The following MS4A4E variants were observed in gnomAD, a reference collection of about 807,000 sequenced individuals.
MS4A4E encodes putative membrane-spanning 4-domains subfamily A member 4E.
In MS4A4E, 23 loss-of-function variants were observed where a neutral mutation model predicts 13.3. The observed-to-expected ratio is 1.73, with a 90% CI of 1.25 to 2.45. The LOEUF (loss-of-function observed/expected upper bound fraction) is 2.45, where lower values mean the gene tolerates loss of function less well. Among genes scored for constraint, MS4A4E ranks in the 30% most tolerant of loss-of-function variants. The pLI is 0.00. For synonymous variants in MS4A4E, 36 were observed against 45.6 expected (o/e 0.79, Z 0.85); for missense variants, 144 against 131.2 (o/e 1.10, Z -0.48).
intron 6 of MS4A4E, among the ~76,000 whole-genome samples, chr11:60,206,090 G>A (rs142621874): frequency 6.6e-6 from 1 of 152,206 alleles, no homozygotes; most frequent in African/African-American, 2.4e-5. Context: ...TATGGGTGAA[G>A]GAAAGCAGAA....
chr11:60,215,159 G>GTT (rs975018487), intron 3 of MS4A4E, among the ~76,000 whole-genome samples: 1 of 151,838 alleles, frequency 6.6e-6, no homozygotes, highest in Non-Finnish European at 1.5e-5. Flanking sequence ...CATTATTAGA[G>GTT]TTTTTTATTT....
At chr11:60,209,758 G>A (rs755678109) in intron 5 of MS4A4E, among the ~76,000 whole-genome samples, 86 of 152,312 alleles carry the variant, frequency 5.6e-4, no homozygotes, top group Non-Finnish European at 1.0e-3. Context: ...CTGATGCAGG[G>A]ATTATCTGGT....
chr11:60,236,535 T>C (rs1449114631), intron 1 of MS4A4E, among the ~76,000 whole-genome samples: 1 of 152,140 alleles, frequency 6.6e-6, no homozygotes, highest in East Asian at 1.9e-4. Context: ...TTTTGTTCTA[T>C]TTGAAACTAT....
At position 60,226,995 on chromosome 11, in the gene MS4A4E, A is replaced by C. The variant is rs951103143; in HGVS notation, c.178+1599T>G. On this transcript the variant is annotated intron_variant, in intron 3 of 8. Coordinates refer to ENST00000651255, the MANE Select transcript of MS4A4E (RefSeq NM_001393391.1). Reference sequence around the variant, plus strand: ...ACTTTCTTATGTACTTATAGTAAATAAGTGAAATTTGAAATTAAAAATGCA... The same window carrying C: ...ACTTTCTTATGTACTTATAGTAAATCAGTGAAATTTGAAATTAAAAATGCA... 2.0e-5 allele frequency among the ~76,000 whole-genome samples: 3 copies of C among 152,312 alleles called. No homozygotes were observed. In the East Asian group the frequency reaches 5.8e-4, roughly 29 times the overall value.
chr11:60,230,123 G>A, intron 1 of MS4A4E, 52 bp from the exon 2 acceptor site: 1 of 1,512,548 alleles, frequency 6.6e-7, no homozygotes, highest in South Asian at 1.4e-5. Flanking sequence ...ACAAAAGAAA[G>A]TCTTGACACT....
intron 3 of MS4A4E, among the ~76,000 whole-genome samples, chr11:60,227,553 A>AAT (rs372169588): frequency 0.015 from 2,226 of 150,150 alleles, 53 homozygotes; most frequent in African/African-American, 0.048. Context: ...TCCATCTCAA[A>AAT]ATATATATAT....
rs541575792 is a variant in MS4A4E, at chr11:60,204,112, C to T, written c.659+778G>A. On this transcript the variant is annotated intron_variant, in intron 8 of 8. Transcript: ENST00000651255. ...CAGGCCACTTAAAATAATCTCAAGG[C>T]AATATATCAGGATATAAGTTAGGAT... 9.9e-4 allele frequency among the ~76,000 whole-genome samples: 151 copies of T among 152,162 alleles called. 1 individual carries two copies. The highest frequency in any genetic ancestry group is 3.4e-3 in the African/African-American group (142 of 41,504).
chr11:60,200,353 G>T lies in MS4A4E; in HGVS notation c.*1190C>A, dbSNP rs2083972393. Among the ~76,000 whole-genome samples, 1 of 151,572 alleles carries T rather than the reference G, an allele frequency of 6.6e-6. No homozygotes were observed. Among genetic ancestry groups the T allele is most frequent in the African/African-American group, 2.4e-5 (1 of 41,276 alleles). On this transcript the variant is annotated 3_prime_UTR_variant, in exon 9 of 9. Coordinates refer to ENST00000651255, the MANE Select transcript of MS4A4E (RefSeq NM_001393391.1). ...TTTCTCACAGAGGGGGATTTGGCAG[G>T]GTCATAGGACAATAGTGGAGGGAAG...
chr11:60,230,084 A>T lies in MS4A4E; in HGVS notation c.-16-13T>A, dbSNP rs1190875374. The T allele has an allele frequency of 4.5e-6, 7 of 1,566,710 alleles. No homozygotes were observed. The highest frequency in any genetic ancestry group is 8.6e-7 in the Non-Finnish European group (1 of 1,161,188). On this transcript the variant is annotated splice_polypyrimidine_tract_variant and intron_variant, in intron 1 of 8. Transcript: ENST00000651255. The stretch of plus-strand genomic sequence containing the variant: ...AGCAGAAAAGGTGCTACAATAAGAA[A>T]TGTAATTTAGGATGAGGTCCTGGAA...
intron 1 of MS4A4E, among the ~76,000 whole-genome samples, chr11:60,238,849 T>C (rs1182105082): frequency 1.3e-5 from 2 of 152,214 alleles, no homozygotes; most frequent in Non-Finnish European, 2.9e-5. Flanking sequence ...CTAATCCTAC[T>C]GAAACTATTC....
At position 60,238,618 on chromosome 11, in the gene MS4A4E, G is replaced by C. The variant is rs552006286; in HGVS notation, c.-17+4340C>G. ...GTTGATCGTTGCAAGAATGAACTTT[G>C]GGTTTTGTTGATTTACTCTAATGTG... On this transcript the variant is annotated intron_variant, in intron 1 of 8. Coordinates refer to ENST00000651255, the MANE Select transcript of MS4A4E (RefSeq NM_001393391.1). Among the ~76,000 whole-genome samples the C allele has an allele frequency of 2.0e-5, 3 of 152,142 alleles. No individual in the cohort carries two copies. In the East Asian group the frequency reaches 5.8e-4, roughly 29 times the overall value.
chr11:60,210,615 T>C (rs919586439), intron 5 of MS4A4E, among the ~76,000 whole-genome samples: 1 of 152,264 alleles, frequency 6.6e-6, no homozygotes, highest in Non-Finnish European at 1.5e-5. Flanking sequence ...AATAATTATA[T>C]GCTTTCCAGC....
At chr11:60,234,996 G>T (rs530123114) in intron 1 of MS4A4E, among the ~76,000 whole-genome samples, 4 of 152,258 alleles carry the variant, frequency 2.6e-5, no homozygotes, top group African/African-American at 9.6e-5. Flanking sequence ...AAAGGAGAAG[G>T]ACTGCCTGTA....
intron 5 of MS4A4E, among the ~76,000 whole-genome samples, 158 bp downstream of exon 5, chr11:60,212,816 A>G (rs1247350741): frequency 6.6e-6 from 1 of 152,226 alleles, no homozygotes; most frequent in Non-Finnish European, 1.5e-5. Context: ...TGAGATGTGT[A>G]CCTGACTCCT....
At chr11:60,239,561 T>C (rs965144964) in intron 1 of MS4A4E, among the ~76,000 whole-genome samples, 2 of 152,130 alleles carry the variant, frequency 1.3e-5, no homozygotes, top group African/African-American at 4.8e-5. Context: ...TTGTCAGAGG[T>C]TGACTCTTCC....
chr11:60,214,576 CT>C lies in MS4A4E; in HGVS notation c.216del (p.Gly73ValfsTer7). The C allele has an allele frequency of 6.6e-7, 1 of 1,526,594 alleles. No homozygotes were observed. 94.6% of individuals were successfully genotyped at this position (1,526,594 alleles called of 1,614,324 possible). A position where few individuals can be genotyped will look rare whatever the true frequency, so the allele number is the denominator to read the frequency against. ...LSVAAGIRTT[K>X]GLVGGSLGKN... ...CCCCACAAAACATTACTCACCAGAC[CT>C]TTTGTTGTTCTAATTCCTGCTGCAA... On this transcript the variant is annotated frameshift_variant, in exon 4 of 9. Transcript: ENST00000651255. LOFTEE classifies it high-confidence loss of function.
intron 5 of MS4A4E, among the ~76,000 whole-genome samples, chr11:60,212,362 T>G (rs1565119559): frequency 6.7e-6 from 1 of 150,370 alleles, no homozygotes; most frequent in Non-Finnish European, 1.5e-5. Flanking sequence ...CAGGCCAGAC[T>G]GCAGTGGCAC....
intron 1 of MS4A4E, among the ~76,000 whole-genome samples, chr11:60,230,930 T>C (rs2084402671): frequency 6.6e-6 from 1 of 152,072 alleles, no homozygotes. Flanking sequence ...GTGGAGCATA[T>C]ATGCTAAAAA....
chr11:60,233,188 C>G (rs549645627), intron 1 of MS4A4E, among the ~76,000 whole-genome samples: 1 of 151,906 alleles, frequency 6.6e-6, no homozygotes, highest in Non-Finnish European at 1.5e-5. Flanking sequence ...CTACATCCAG[C>G]CTTACACAGC....
Sources: allele counts gnomAD v4.1 joint callset (sites outside exome capture counted in the v4.1 genomes callset), GRCh38; gene constraint gnomAD v4.1.1; transcripts MANE v1.5; gene names NCBI Gene and HGNC (gene_info 2026-07-23, HGNC 2026-07-21).